Variants in CTTNBP2 observed in about 807,000 individuals in gnomAD.
The protein encoded by CTTNBP2 is cortactin-binding protein 2.
Under a neutral mutation model 156.9 loss-of-function variants are expected in CTTNBP2, and 108 were observed. That is an observed-to-expected ratio of 0.69 (90% CI 0.59 to 0.81). The LOEUF is 0.81. Among genes scored for constraint, CTTNBP2 ranks in the 30% least tolerant of loss-of-function variants. The pLI is 0.00. For missense variants in CTTNBP2, 1,924 were observed against 2,035.4 expected, an observed-to-expected ratio of 0.95 and a Z score of 1.05; for synonymous variants, 767 against 751.8, an observed-to-expected ratio of 1.02 and a Z score of -0.33.
chr7:117,868,529 G>C (rs760783038), intron 1 of CTTNBP2, among the ~76,000 whole-genome samples: 1 of 152,082 alleles, frequency 6.6e-6, no homozygotes, highest in African/African-American at 2.4e-5. Flanking sequence ...TATATGGAAG[G>C]CATCATGCTG....
Position 117,728,261 on chromosome 7 carries a change from C to T in CTTNBP2, c.3883G>A (p.Gly1295Ser), listed in dbSNP as rs770572733. 2.2e-5 allele frequency: 36 copies of T among 1,612,022 alleles called. No homozygotes were observed. The highest frequency in any genetic ancestry group is 3.1e-5 in the Non-Finnish European group (36 of 1,178,984). Residue 1295 changes from glycine (G) to serine (S), a missense_variant, in exon 17 of 23, where the codon GGT becomes AGT. Physicochemically the swap from Gly to Ser is moderately conservative, Grantham distance 56. Coordinates refer to ENST00000160373, the MANE Select transcript of CTTNBP2 (RefSeq NM_033427.3). ...LRRKVVNKFK[G>S]QAPSPCDPVC... ...GGATCGCAGGGGGAGGGCGCCTGAC[C>T]TTTGAACTAGAGAGACAGGGAGGTG...
At chr7:117,848,207 G>T (rs1299129670) in intron 2 of CTTNBP2, among the ~76,000 whole-genome samples, 2 of 152,116 alleles carry the variant, frequency 1.3e-5, no homozygotes, top group Non-Finnish European at 2.9e-5. Context: ...ATGAGATCAA[G>T]CTGGCAAATG....
intron 9 of CTTNBP2, among the ~76,000 whole-genome samples, chr7:117,765,577 T>C (rs1420818465): frequency 1.3e-5 from 2 of 152,154 alleles, no homozygotes; most frequent in Non-Finnish European, 2.9e-5. Context: ...CCTGCCAACA[T>C]GTCTGAGATA....
intron 2 of CTTNBP2, among the ~76,000 whole-genome samples, chr7:117,817,472 G>A (rs975012009): frequency 3.4e-5 from 5 of 146,164 alleles, no homozygotes; most frequent in African/African-American, 1.3e-4. Context: ...ATTACCAGAG[G>A]GTTTCACATA....
intron 10 of CTTNBP2, among the ~76,000 whole-genome samples, chr7:117,759,590 T>C (rs139019543): frequency 7.2e-5 from 11 of 152,336 alleles, no homozygotes; most frequent in African/African-American, 2.4e-4. Context: ...AAGCCCACTT[T>C]TCCCTCAACC....
chr7:117,744,070 T>C (rs548406846), intron 14 of CTTNBP2, among the ~76,000 whole-genome samples: 2 of 152,276 alleles, frequency 1.3e-5, no homozygotes, highest in Non-Finnish European at 2.9e-5. Context: ...TGTGTGTCTA[T>C]GAGGTGTTTT....
At chr7:117,872,553 A>G (rs1261347210) in intron 1 of CTTNBP2, among the ~76,000 whole-genome samples, 1 of 152,142 alleles carries the variant, frequency 6.6e-6, no homozygotes, top group Non-Finnish European at 1.5e-5. Context: ...CCGGAATATT[A>G]AGGGGGTGAA....
chr7:117,791,410 T>G lies in CTTNBP2; in HGVS notation c.1786A>C (p.Arg596=). The G allele has an allele frequency of 6.2e-7, 1 of 1,614,234 alleles. No individual in the cohort carries two copies. The highest frequency in any genetic ancestry group is 8.5e-7 in the Non-Finnish European group (1 of 1,180,048). ...GGAAGGTTCTCCTCATTGATCACCCTGTTCCCTTGTGGCAAACTGGAAGGA... is the reference window on the plus strand; with the variant it reads ...GGAAGGTTCTCCTCATTGATCACCCGGTTCCCTTGTGGCAAACTGGAAGGA... The part of the protein sequence containing the change: ...STPSSLPQGN[R]VINEENLPKS... Residue 596 remains arginine (R), a synonymous_variant, in exon 4 of 23, where the codon AGG becomes CGG. Transcript: ENST00000160373.
chr7:117,733,935 A>G (rs530781819), intron 16 of CTTNBP2, among the ~76,000 whole-genome samples: 59 of 152,362 alleles, frequency 3.9e-4, no homozygotes, highest in Non-Finnish European at 8.1e-4. Context: ...GAAACATTAA[A>G]GAGAAGTCTT....
chr7:117,809,370 C>T (rs1800132781), intron 3 of CTTNBP2, among the ~76,000 whole-genome samples: 1 of 152,054 alleles, frequency 6.6e-6, no homozygotes, highest in Non-Finnish European at 1.5e-5. Context: ...AATATAAAGT[C>T]CAGCAGAAAT....
At chr7:117,756,762 C>T in intron 11 of CTTNBP2, 128 bp from the exon 12 acceptor site, 2 of 699,012 alleles carry the variant, frequency 2.9e-6, no homozygotes, top group Non-Finnish European at 2.6e-6. Context: ...TGACATTTGG[C>T]CAGGAGGCAC....
intron 12 of CTTNBP2, among the ~76,000 whole-genome samples, chr7:117,746,584 T>G (rs1796344695): frequency 6.6e-6 from 1 of 152,200 alleles, no homozygotes. Context: ...GTAAATATTT[T>G]TGTTTCCTTC....
In CTTNBP2 at chr7:117,745,868, A is replaced by G. The variant is rs756410532; in HGVS notation, c.3498T>C (p.Phe1166=). 2.5e-6 allele frequency: 4 copies of G among 1,614,124 alleles called. No individual in the cohort carries two copies. Among genetic ancestry groups the G allele is most frequent in the Non-Finnish European group, 3.4e-6 (4 of 1,179,976 alleles). The stretch of plus-strand genomic sequence containing the variant: ...ACAGGTCTAGTAGCTGTTCCTTGGA[A>G]AAACCAGCATCTACTTCAGCTCTCA... The part of the protein sequence containing the change: ...EIVRAEVDAG[F]SKEQLLDLFI... Residue 1166 remains phenylalanine, a synonymous_variant, in exon 14 of 23, where the codon TTT becomes TTC. Coordinates refer to ENST00000160373, the MANE Select transcript of CTTNBP2 (RefSeq NM_033427.3).
chr7:117,713,713 T>C (rs986197980), intron 22 of CTTNBP2: 2 of 152,246 alleles, frequency 1.3e-5, no homozygotes, highest in Non-Finnish European at 2.9e-5. Context: ...GTCCTAATTC[T>C]TTAAAGCCCA....
intron 1 of CTTNBP2, among the ~76,000 whole-genome samples, chr7:117,865,829 A>G (rs1207367859): frequency 6.7e-6 from 1 of 150,314 alleles, no homozygotes; most frequent in Admixed American, 6.6e-5. Flanking sequence ...ACTAATCCAG[A>G]ATCTGGTCAT....
chr7:117,714,862 C>G (rs1475971819), intron 22 of CTTNBP2, among the ~76,000 whole-genome samples: 1 of 152,150 alleles, frequency 6.6e-6, no homozygotes, highest in Non-Finnish European at 1.5e-5. Flanking sequence ...GGAAGTCAAG[C>G]CTAGGGGGCA....
At chr7:117,851,603 T>C (rs759930247) in intron 2 of CTTNBP2, among the ~76,000 whole-genome samples, 1 of 152,224 alleles carries the variant, frequency 6.6e-6, no homozygotes, top group Non-Finnish European at 1.5e-5. Flanking sequence ...TGAATCTTAA[T>C]TGTCAACTGT....
chr7:117,796,927 C>T (rs1330311660), intron 3 of CTTNBP2, among the ~76,000 whole-genome samples: 12 of 151,930 alleles, frequency 7.9e-5, no homozygotes. Context: ...AATTATAACC[C>T]CTTGAAAAAC....
In CTTNBP2 at chr7:117,873,334, C is replaced by A; in HGVS notation, c.81+1G>T. 6.9e-7 allele frequency: 1 copy of A among 1,444,496 alleles called. No homozygotes were observed. Among genetic ancestry groups the A allele is most frequent in the Non-Finnish European group, 9.1e-7 (1 of 1,103,002 alleles). 89.5% of individuals were successfully genotyped at this position (1,444,496 alleles called of 1,614,324 possible). On this transcript the variant is annotated splice_donor_variant, in intron 1 of 22. Coordinates refer to ENST00000160373, the MANE Select transcript of CTTNBP2 (RefSeq NM_033427.3). LOFTEE classifies it high-confidence loss of function. ...CGCGCCCGCCCCGGGAACTCGGTTA[C>A]CGCCGCCTCCGCCGCGGCCCCCGCC...
Sources: allele counts gnomAD v4.1 joint callset (sites outside exome capture counted in the v4.1 genomes callset), GRCh38; gene constraint gnomAD v4.1.1; transcripts MANE v1.5; gene names NCBI Gene and HGNC (gene_info 2026-07-23, HGNC 2026-07-21).